GAB1: variants seen among roughly 807,000 people sequenced by gnomAD.
The protein encoded by GAB1 is GRB2 associated binding protein 1, also known as GRB2-associated-binding protein 1.
In GAB1, 19 loss-of-function variants were observed where a neutral mutation model predicts 66.5. The ratio of observed to expected loss-of-function variants is 0.29; its 90% CI spans 0.20 to 0.42. The LOEUF (loss-of-function observed/expected upper bound fraction) is 0.42. Ranked by LOEUF, GAB1 falls within the 10% of genes least tolerant of loss-of-function variation. The pLI, the probability that GAB1 is intolerant of heterozygous loss-of-function variation, is 1.00. For missense variants in GAB1, 732 were observed against 858.5 expected (o/e 0.85, Z 1.84); for synonymous variants, 294 against 301.4 (o/e 0.98, Z 0.25).
intron 1 of GAB1, among the ~76,000 whole-genome samples, chr4:143,388,125 A>G (rs946262410): frequency 6.6e-6 from 1 of 151,956 alleles, no homozygotes; most frequent in Non-Finnish European, 1.5e-5. Context: ...CCCTTTTTGA[A>G]TGCTCCCTTT....
intron 1 of GAB1, among the ~76,000 whole-genome samples, chr4:143,390,877 G>GTC (rs1161703074): frequency 1.8e-4 from 28 of 152,286 alleles, no homozygotes; most frequent in African/African-American, 6.7e-4. Context: ...TCGCAGGTAT[G>GTC]TCTGTGTCCC....
intron 1 of GAB1, among the ~76,000 whole-genome samples, chr4:143,352,499 G>A (rs1472783823): frequency 2.0e-5 from 3 of 152,188 alleles, no homozygotes; most frequent in African/African-American, 4.8e-5. Context: ...GAGTCCTTGT[G>A]TCATTTGGTT....
intron 1 of GAB1, 61 bp from the exon 2 acceptor site, chr4:143,415,416 C>A: frequency 8.1e-7 from 1 of 1,238,374 alleles, no homozygotes; most frequent in Admixed American, 2.3e-5. Context: ...GATAAATGTG[C>A]ATCTTCTTGA....
intron 6 of GAB1, among the ~76,000 whole-genome samples, chr4:143,456,431 T>C (rs1735195129): frequency 1.4e-5 from 2 of 146,332 alleles, no homozygotes; most frequent in African/African-American, 5.2e-5. Context: ...CACTCTAGCC[T>C]GGGCGACTGA....
chr4:143,413,549 G>A (rs1560751891), intron 1 of GAB1, among the ~76,000 whole-genome samples: 3 of 152,010 alleles, frequency 2.0e-5, no homozygotes, highest in South Asian at 4.1e-4. Context: ...GTGATCTCTG[G>A]TCATCCTCTT....
intron 1 of GAB1, chr4:143,349,942 TC>T: frequency 6.3e-7 from 1 of 1,595,242 alleles, no homozygotes; most frequent in Non-Finnish European, 8.5e-7. Flanking sequence ...GATCTTCATG[TC>T]CTTGACCAAG....
At chr4:143,462,741 G>A (rs553001257) in intron 8 of GAB1, among the ~76,000 whole-genome samples, 11 of 151,974 alleles carry the variant, frequency 7.2e-5, no homozygotes, top group Admixed American at 1.3e-4. Flanking sequence ...ACTCACTGCA[G>A]CCTCCACCTC....
At chr4:143,386,249 T>C (rs1730904644) in intron 1 of GAB1, among the ~76,000 whole-genome samples, 1 of 152,208 alleles carries the variant, frequency 6.6e-6, no homozygotes, top group Admixed American at 6.5e-5. Context: ...CCAGAAGTAT[T>C]TCCGATTTCA....
intron 1 of GAB1, among the ~76,000 whole-genome samples, chr4:143,344,675 G>A (rs538170745): frequency 5.3e-5 from 8 of 152,270 alleles, no homozygotes; most frequent in South Asian, 4.1e-4. Flanking sequence ...GACAATTTAG[G>A]CCTGTAGAAT....
In GAB1 at chr4:143,337,223, T is replaced by A; in HGVS notation, c.35T>A (p.Leu12His). 1 of 1,586,466 alleles carries A rather than the reference T, an allele frequency of 6.3e-7. No homozygotes were observed. Among genetic ancestry groups the A allele is most frequent in the Non-Finnish European group, 8.6e-7 (1 of 1,166,314 alleles). The change falls in exon 1 of 10, where the codon CTC becomes CAC. Residue 12 changes from leucine (L) to histidine (H), a missense_variant. Transcript: ENST00000262994. ...SGGEVVCSGW[L>H]RKSPPEKKLK... ...GGTGAAGTGGTCTGCTCCGGATGGC[T>A]CCGCAAGTCCCCCCCGGAGAAAAAG... is the stretch of plus-strand genomic sequence containing the variant.
intron 6 of GAB1, among the ~76,000 whole-genome samples, chr4:143,444,210 C>T (rs780360207): frequency 6.6e-6 from 1 of 152,034 alleles, no homozygotes; most frequent in Non-Finnish European, 1.5e-5. Context: ...TATATTAAAT[C>T]GCTAAACTTA....
intron 2 of GAB1, among the ~76,000 whole-genome samples, chr4:143,431,225 A>G (rs1369540252): frequency 6.6e-6 from 1 of 152,200 alleles, no homozygotes; most frequent in Non-Finnish European, 1.5e-5. Context: ...TCTAAGGCCT[A>G]ATAAACAGTT....
intron 1 of GAB1, among the ~76,000 whole-genome samples, chr4:143,379,924 A>C (rs922869808): frequency 6.6e-6 from 1 of 151,382 alleles, no homozygotes; most frequent in Non-Finnish European, 1.5e-5. Context: ...AGGAGCTTAG[A>C]GAGAACCAGC....
intron 1 of GAB1, chr4:143,349,362 G>T: frequency 9.6e-7 from 1 of 1,036,718 alleles, no homozygotes; most frequent in Non-Finnish European, 1.5e-6. Context: ...AGTCCTGATA[G>T]GGAGACTTGG....
intron 1 of GAB1, among the ~76,000 whole-genome samples, chr4:143,380,171 A>G (rs1730598716): frequency 6.6e-6 from 1 of 151,200 alleles, no homozygotes; most frequent in Non-Finnish European, 1.5e-5. Context: ...TTTTTTATTC[A>G]TAAAATGAGA....
At chr4:143,382,559 G>A (rs1297168547) in intron 1 of GAB1, among the ~76,000 whole-genome samples, 1 of 152,102 alleles carries the variant, frequency 6.6e-6, no homozygotes, top group Admixed American at 6.5e-5. Flanking sequence ...TCTTTTTCCT[G>A]AAATACTACC....
intron 1 of GAB1, among the ~76,000 whole-genome samples, chr4:143,413,877 G>T (rs560011860): frequency 3.7e-4 from 50 of 134,158 alleles, no homozygotes; most frequent in Admixed American, 1.1e-3. Context: ...GTCCAGGCTG[G>T]AGCGCAGTGA....
intron 3 of GAB1, among the ~76,000 whole-genome samples, chr4:143,436,564 A>T (rs1226324326): frequency 2.0e-5 from 3 of 152,124 alleles, no homozygotes; most frequent in Admixed American, 6.6e-5. Flanking sequence ...TGAACTTGGG[A>T]TGGTGGCAAT....
intron 1 of GAB1, among the ~76,000 whole-genome samples, chr4:143,358,540 T>C (rs1729536321): frequency 6.6e-6 from 1 of 152,216 alleles, no homozygotes; most frequent in South Asian, 2.1e-4. Context: ...AGGTGGTGAA[T>C]ATAAAATCTG....
Sources: allele counts gnomAD v4.1 joint callset (sites outside exome capture counted in the v4.1 genomes callset), GRCh38; gene constraint gnomAD v4.1.1; transcripts MANE v1.5; gene names NCBI Gene and HGNC (gene_info 2026-07-23, HGNC 2026-07-21).